RAP1B: variants seen among roughly 807,000 people sequenced by gnomAD.
The protein encoded by RAP1B is ras-related protein Rap-1b.
Under a neutral mutation model 27.5 loss-of-function variants are expected in RAP1B, and 1 was observed. The ratio of observed to expected loss-of-function variants is 0.04; its 90% CI spans 0.01 to 0.17. The LOEUF (loss-of-function observed/expected upper bound fraction) is 0.17. Among genes scored for constraint, RAP1B ranks in the 10% least tolerant of loss-of-function variants. RAP1B has a pLI of 1.00. For synonymous variants in RAP1B, 75 were observed against 73.1 expected (o/e 1.03, Z -0.13); for missense variants, 84 against 214.8 (o/e 0.39, Z 3.81).
chr12:68,614,621 A>AG (rs76217285), intron 1 of RAP1B, among the ~76,000 whole-genome samples: 27,467 of 152,186 alleles, frequency 0.18, 3,097 homozygotes, highest in South Asian at 0.45. Flanking sequence ...GTCATTATTG[A>AG]GGACTCCATG....
At chr12:68,642,756 C>T (rs1189453555) in intron 1 of RAP1B, 19 of 1,070,870 alleles carry the variant, frequency 1.8e-5, no homozygotes, top group Admixed American at 8.4e-5. Flanking sequence ...TCCTCTGGCA[C>T]GGGAACCTTC....
At chr12:68,621,937 C>T (rs894866036) in intron 1 of RAP1B, among the ~76,000 whole-genome samples, 1 of 152,152 alleles carries the variant, frequency 6.6e-6, no homozygotes, top group Non-Finnish European at 1.5e-5. Flanking sequence ...ACCTTTATTT[C>T]ATTGTCCTCA....
In RAP1B at chr12:68,654,353, G is replaced by GC. The variant is rs1021925382; in HGVS notation, c.324+101_324+102insC. ...TTTTAAAGCTTGTGTATTTTGGTTGGGGGGGGGGTGTTGGTTTTTTTAAAC... is the reference window on the plus strand; with the variant it reads ...TTTTAAAGCTTGTGTATTTTGGTTGGCGGGGGGGGTGTTGGTTTTTTTAAAC... On this transcript the variant is annotated intron_variant, in intron 5 of 7. Coordinates refer to ENST00000250559, the MANE Select transcript of RAP1B (RefSeq NM_001010942.3). 69 of 450,956 alleles carry GC rather than the reference G, an allele frequency of 1.5e-4. 6 individuals carry two copies. The East Asian group carries it at 1.7e-3, about 11-fold the overall frequency. The allele number at this position is 450,956 out of a possible 1,614,324, so 27.9% of individuals were successfully genotyped here.
At chr12:68,620,908 T>A (rs999073875) in intron 1 of RAP1B, among the ~76,000 whole-genome samples, 2 of 152,136 alleles carry the variant, frequency 1.3e-5, no homozygotes, top group African/African-American at 2.4e-5. Flanking sequence ...TTTAAAGGAT[T>A]TTTAGACTGT....
At chr12:68,657,760 ACACACACACACACGTGCGCG>A (rs1874314906) in intron 7 of RAP1B, 1 of 145,290 alleles carries the variant, frequency 6.9e-6, no homozygotes, top group East Asian at 1.9e-4. Context: ...ACACACACAC[ACACACACACACACGTGCGCG>A]CGTGCGCGTG....
At chr12:68,650,543 T>A in intron 3 of RAP1B, 75 bp downstream of exon 3, 1 of 1,197,130 alleles carries the variant, frequency 8.4e-7, no homozygotes, top group South Asian at 1.9e-5. Flanking sequence ...AATTATTGAA[T>A]GTTTTATACA....
intron 1 of RAP1B, among the ~76,000 whole-genome samples, chr12:68,632,129 G>GTTTTTTTTTGTTTTTTTTTT (rs1872288247): frequency 9.6e-6 from 1 of 104,414 alleles, no homozygotes; most frequent in African/African-American, 4.3e-5. Flanking sequence ...TTTTGGATTT[G>GTTTTTTTTTGTTTTTTTTTT]TTTTTTTTTT....
chr12:68,633,762 C>G (rs1030741818), intron 1 of RAP1B, among the ~76,000 whole-genome samples: 2 of 152,020 alleles, frequency 1.3e-5, no homozygotes, highest in East Asian at 3.9e-4. Flanking sequence ...CCCAGCTACT[C>G]AGGAGGTTGA....
intron 1 of RAP1B, among the ~76,000 whole-genome samples, chr12:68,617,953 G>A (rs1451466440): frequency 6.6e-6 from 1 of 151,840 alleles, no homozygotes; most frequent in East Asian, 1.9e-4. Flanking sequence ...TTGTAGAGAC[G>A]GGGTCTCACC....
At chr12:68,625,792 C>T (rs555663020) in intron 1 of RAP1B, among the ~76,000 whole-genome samples, 76 of 152,048 alleles carry the variant, frequency 5.0e-4, no homozygotes, top group Non-Finnish European at 2.8e-4. Context: ...CGTGGTGGCG[C>T]GCACCTGTAG....
intron 1 of RAP1B, among the ~76,000 whole-genome samples, chr12:68,618,740 A>AT (rs148714104): frequency 2.6e-5 from 4 of 151,560 alleles, no homozygotes; most frequent in East Asian, 1.9e-4. Flanking sequence ...ATGCACTCAG[A>AT]TTTTTTTTTA....
At chr12:68,650,826 C>G (rs1176914422) in intron 3 of RAP1B, 1 of 154,998 alleles carries the variant, frequency 6.5e-6, no homozygotes, top group Non-Finnish European at 1.4e-5. Flanking sequence ...CCTAAGCTTT[C>G]TACTTACTAA....
chr12:68,650,571 T>A, intron 3 of RAP1B, 103 bp downstream of exon 3: 1 of 1,049,406 alleles, frequency 9.5e-7, no homozygotes, highest in Non-Finnish European at 1.3e-6. Flanking sequence ...GAGGCAGAGT[T>A]AATTTATAAA....
chr12:68,632,939 T>C (rs1248181936), intron 1 of RAP1B, among the ~76,000 whole-genome samples: 1 of 152,172 alleles, frequency 6.6e-6, no homozygotes, highest in Non-Finnish European at 1.5e-5. Context: ...CTGAAGTAAC[T>C]GGGACTATAG....
intron 1 of RAP1B, among the ~76,000 whole-genome samples, chr12:68,614,435 A>C (rs1870833327): frequency 2.0e-5 from 3 of 152,182 alleles, no homozygotes; most frequent in Non-Finnish European, 4.4e-5. Context: ...CAGTTTCTAG[A>C]TTTGACTGGC....
rs570851863 is a variant in RAP1B, at chr12:68,636,294, TAAGA to T, written c.-26-12398_-26-12395del. Among the ~76,000 whole-genome samples, 225 of 152,356 alleles carry T rather than the reference TAAGA, an allele frequency of 1.5e-3. 1 individual carries two copies. Among genetic ancestry groups the T allele is most frequent in the African/African-American group, 5.0e-3 (209 of 41,582 alleles). On this transcript the variant is annotated intron_variant, in intron 1 of 7. Transcript: ENST00000250559. ...TACTTCTTCATTTATTAATGAGATT[TAAGA>T]AAGAAATCAGGTTACAAAGTTATGA...
At chr12:68,631,815 C>CA (rs938550962) in intron 1 of RAP1B, among the ~76,000 whole-genome samples, 140 of 152,116 alleles carry the variant, frequency 9.2e-4, no homozygotes, top group African/African-American at 3.3e-3. Flanking sequence ...TCTTTTCCTA[C>CA]AAAATTGTAA....
At chr12:68,646,876 G>GT (rs1458624102) in intron 1 of RAP1B, among the ~76,000 whole-genome samples, 1 of 152,068 alleles carries the variant, frequency 6.6e-6, no homozygotes, top group Non-Finnish European at 1.5e-5. Context: ...TAGTTTGTTT[G>GT]TAAGACTCTG....
At chr12:68,618,887 C>G (rs150945286) in intron 1 of RAP1B, among the ~76,000 whole-genome samples, 2 of 152,262 alleles carry the variant, frequency 1.3e-5, no homozygotes, top group East Asian at 3.9e-4. Context: ...CAGCAAGCCT[C>G]CCAGCACTTT....
Sources: allele counts gnomAD v4.1 joint callset (sites outside exome capture counted in the v4.1 genomes callset), GRCh38; gene constraint gnomAD v4.1.1; transcripts MANE v1.5; gene names NCBI Gene and HGNC (gene_info 2026-07-23, HGNC 2026-07-21).